The following TNRC6B variants were observed in gnomAD, a reference collection of about 807,000 sequenced individuals.
TNRC6B encodes trinucleotide repeat-containing gene 6B protein.
A neutral mutation model predicts 203.6 loss-of-function variants in TNRC6B; 52 were observed. The ratio of observed to expected loss-of-function variants is 0.26; its 90% CI spans 0.20 to 0.32. The LOEUF (loss-of-function observed/expected upper bound fraction) is 0.32. Ranked by LOEUF, TNRC6B falls within the 10% of genes least tolerant of loss-of-function variation. The pLI is 1.00. For synonymous variants in TNRC6B, 838 were observed against 845.7 expected (o/e 0.99, Z 0.16); for missense variants, 1,923 against 2,286.2 (o/e 0.84, Z 3.24).
At chr22:40,202,928 G>A (rs745336911) in intron 1 of TNRC6B, among the ~76,000 whole-genome samples, 1 of 151,856 alleles carries the variant, frequency 6.6e-6, no homozygotes, top group Non-Finnish European at 1.5e-5. Context: ...TTTCCTTCTC[G>A]CCCAGGTTTT....
intron 3 of TNRC6B, among the ~76,000 whole-genome samples, chr22:40,143,651 C>A (rs1051692854): frequency 3.9e-5 from 6 of 152,074 alleles, no homozygotes; most frequent in African/African-American, 1.4e-4. Flanking sequence ...CGCCCACCAC[C>A]ACGCCCCGCT....
intron 2 of TNRC6B, among the ~76,000 whole-genome samples, chr22:40,125,326 A>G (rs1255541203): frequency 6.6e-6 from 1 of 152,212 alleles, no homozygotes; most frequent in East Asian, 1.9e-4. Context: ...TTCATAAATT[A>G]TAAGCCCGGG....
intron 11 of TNRC6B, 49 bp from the exon 12 acceptor site, chr22:40,285,596 C>A: frequency 1.9e-6 from 3 of 1,585,802 alleles, no homozygotes; most frequent in East Asian, 4.5e-5. Flanking sequence ...TTCTTACTTG[C>A]ATTTTCTTAT....
chr22:40,288,887 C>G (rs1014756575), intron 12 of TNRC6B, among the ~76,000 whole-genome samples: 2 of 133,376 alleles, frequency 1.5e-5, no homozygotes, highest in Admixed American at 8.3e-5. Flanking sequence ...TCACTCAGCT[C>G]ACTGCAACCT....
chr22:40,326,286 C>T lies in TNRC6B; in HGVS notation c.*3045C>T, dbSNP rs1395875612. The T allele has an allele frequency of 2.6e-5, 4 of 152,368 alleles. No homozygotes were observed. Among genetic ancestry groups the T allele is most frequent in the Admixed American group, 2.6e-4 (4 of 15,272 alleles). 9.4% of individuals were successfully genotyped at this position (152,368 alleles called of 1,614,324 possible). ...AAACTTTTACAAGTTCCTGAAACTT[C>T]AGAAAGTTTAAACAATTTTTACTTA... is the stretch of plus-strand genomic sequence containing the variant. On this transcript the variant is annotated 3_prime_UTR_variant, in exon 23 of 23. Coordinates refer to ENST00000454349, the MANE Select transcript of TNRC6B (RefSeq NM_001162501.2).
chr22:40,165,755 G>T (rs6001817), intron 4 of TNRC6B, among the ~76,000 whole-genome samples: 96,423 of 151,940 alleles, frequency 0.63, 31,221 homozygotes, highest in African/African-American at 0.75. Context: ...CTGAGCAATG[G>T]GGGGGAAAGC....
chr22:40,168,920 G>A (rs991670069), intron 4 of TNRC6B, among the ~76,000 whole-genome samples: 1 of 152,066 alleles, frequency 6.6e-6, no homozygotes, highest in Non-Finnish European at 1.5e-5. Context: ...GCACAGCCAT[G>A]TTATATCTCT....
At chr22:40,218,297 G>A (rs2069661940) in intron 1 of TNRC6B, among the ~76,000 whole-genome samples, 1 of 147,758 alleles carries the variant, frequency 6.8e-6, no homozygotes. Flanking sequence ...GTGGGCAAGA[G>A]ATGATTTTTT....
Position 40,329,990 on chromosome 22 carries a change from T to C in TNRC6B, c.*6749T>C, listed in dbSNP as rs1051514321. On this transcript the variant is annotated 3_prime_UTR_variant, in exon 23 of 23. Transcript: ENST00000454349. ...AGTTCTTCACTGTGACAAATGCTTA[T>C]CTTGTTCATGGGAGGGGAAAGATCA... is the stretch of plus-strand genomic sequence containing the variant. 1 of 152,210 alleles carries C rather than the reference T, an allele frequency of 6.6e-6. No homozygotes were observed. The highest frequency in any genetic ancestry group is 1.9e-4 in the East Asian group (1 of 5,200). The allele number at this position is 152,210 out of a possible 1,614,324, so 9.4% of individuals were successfully genotyped here. A position where few individuals can be genotyped will look rare whatever the true frequency, so the allele number is the denominator to read the frequency against.
At chr22:40,270,311 T>A in intron 6 of TNRC6B, 31 bp downstream of exon 6, 2 of 1,304,518 alleles carry the variant, frequency 1.5e-6, no homozygotes, top group Non-Finnish European at 2.0e-6. Context: ...TTTTGAGGGA[T>A]CCTTTTTTTT....
intron 12 of TNRC6B, among the ~76,000 whole-genome samples, chr22:40,290,808 G>A (rs2146534505): frequency 6.6e-6 from 1 of 152,254 alleles, no homozygotes; most frequent in South Asian, 2.1e-4. Context: ...TGAGCTCGGT[G>A]ACTATATATC....
rs184173849 is a variant in TNRC6B, at chr22:40,061,706, A to G, written c.-121+16708A>G. ...GCTGTATTTCTTTGTGTATTATTTT[A>G]GTGATTTATAACATGCATCTTTTAC... is the stretch of plus-strand genomic sequence containing the variant. On this transcript the variant is annotated intron_variant, in intron 1 of 23. Transcript: ENST00000301923. 1.1e-3 allele frequency among the ~76,000 whole-genome samples: 161 copies of G among 151,484 alleles called. 5 individuals carry two copies. Among genetic ancestry groups the G allele is most frequent in the Admixed American group, 9.2e-3 (140 of 15,230 alleles).
At chr22:40,260,661 G>A (rs1368806018) in intron 3 of TNRC6B, among the ~76,000 whole-genome samples, 1 of 151,850 alleles carries the variant, frequency 6.6e-6, no homozygotes, top group Non-Finnish European at 1.5e-5. Flanking sequence ...ATGAAGGGAA[G>A]GGACCCTTGG....
intron 1 of TNRC6B, among the ~76,000 whole-genome samples, chr22:40,200,878 G>T (rs928807981): frequency 1.3e-5 from 2 of 152,150 alleles, no homozygotes; most frequent in African/African-American, 4.8e-5. Context: ...ATGAGAGGCA[G>T]TGGAATGTGA....
intron 1 of TNRC6B, among the ~76,000 whole-genome samples, chr22:40,220,736 G>A (rs2069696894): frequency 6.6e-6 from 1 of 152,130 alleles, no homozygotes; most frequent in Non-Finnish European, 1.5e-5. Flanking sequence ...GAAACCCCGA[G>A]TTGGCCAGGA....
intron 12 of TNRC6B, among the ~76,000 whole-genome samples, chr22:40,293,612 G>A (rs912377603): frequency 6.6e-6 from 1 of 151,760 alleles, no homozygotes; most frequent in Non-Finnish European, 1.5e-5. Flanking sequence ...AATGCCTGAG[G>A]GCGGGGGCGG....
intron 22 of TNRC6B, 95 bp downstream of exon 22, chr22:40,321,324 A>G (rs892091461): frequency 1.5e-5 from 21 of 1,420,118 alleles, no homozygotes; most frequent in Admixed American, 3.9e-5. Flanking sequence ...GCACCAGAAC[A>G]TATACGAAGA....
intron 12 of TNRC6B, among the ~76,000 whole-genome samples, chr22:40,290,340 A>G (rs1283803598): frequency 6.6e-6 from 1 of 152,180 alleles, no homozygotes; most frequent in Non-Finnish European, 1.5e-5. Flanking sequence ...CTGTGCTAAA[A>G]CAAAAGGCAG....
chr22:40,301,156 C>A lies in TNRC6B; in HGVS notation c.3943C>A (p.Arg1315=). 6.5e-7 allele frequency: 1 copy of A among 1,550,264 alleles called. No individual in the cohort carries two copies. The highest frequency in any genetic ancestry group is 1.2e-5 in the South Asian group (1 of 84,058). ...VRQQQEQQLA[R]MVSALQQQQQ... ...TGTCTCTCTTGGCCCTCAGCTGGCT[C>A]GAATGGTGAGTGCACTGCAGCAGCA... Residue 1315 remains arginine (R), a synonymous_variant, in exon 15 of 23, where the codon CGA becomes AGA. Transcript: ENST00000454349.
Sources: allele counts gnomAD v4.1 joint callset (sites outside exome capture counted in the v4.1 genomes callset), GRCh38; gene constraint gnomAD v4.1.1; transcripts MANE v1.5; gene names NCBI Gene and HGNC (gene_info 2026-07-23, HGNC 2026-07-21).